The following MORN1 variants were observed in gnomAD, a reference collection of about 807,000 sequenced individuals.
MORN1 encodes the protein MORN repeat-containing protein 1.
MORN1 carries 67 observed loss-of-function variants against 61.9 expected under a neutral mutation model. The observed-to-expected ratio is 1.08, with a 90% CI of 0.89 to 1.33. The LOEUF (loss-of-function observed/expected upper bound fraction) is 1.33. MORN1 is among the 40% of genes most tolerant of loss of function. The pLI is 0.00. For synonymous variants in MORN1, 301 were observed against 292.0 expected (o/e 1.03, Z -0.31); for missense variants, 752 against 691.2 (o/e 1.09, Z -0.99).
chr1:2,381,654 C>T lies in MORN1; in HGVS notation c.537+3324G>A, dbSNP rs1280181321. Among the ~76,000 whole-genome samples, 3 of 152,260 alleles carry T rather than the reference C, an allele frequency of 2.0e-5. No individual in the cohort carries two copies. In the South Asian group the frequency reaches 6.2e-4, roughly 32 times the overall value. The stretch of plus-strand genomic sequence containing the variant: ...ACGCGAAGGGTTTGGCACCAAGACT[C>T]TCGCAGAAATCCTCTGCAAAACCCT... On this transcript the variant is annotated intron_variant, in intron 6 of 13. Coordinates refer to ENST00000378531, the MANE Select transcript of MORN1 (RefSeq NM_024848.3).
intron 12 of MORN1, among the ~76,000 whole-genome samples, chr1:2,327,168 A>G (rs1468165625): frequency 2.1e-5 from 3 of 141,238 alleles, no homozygotes; most frequent in Admixed American, 2.1e-4. Flanking sequence ...ACACACAGAC[A>G]GAAACAAACA....
intron 7 of MORN1, among the ~76,000 whole-genome samples, chr1:2,373,185 A>T (rs764519959): frequency 6.6e-6 from 1 of 152,234 alleles, no homozygotes; most frequent in Non-Finnish European, 1.5e-5. Context: ...GCCTCCAGCA[A>T]AGCACAATGG....
intron 6 of MORN1, among the ~76,000 whole-genome samples, chr1:2,384,249 CT>C (rs1642436235): frequency 6.6e-6 from 1 of 152,230 alleles, no homozygotes; most frequent in Non-Finnish European, 1.5e-5. Context: ...CCAACCTTGA[CT>C]CTTCTCTTGC....
chr1:2,390,625 G>A lies in MORN1; in HGVS notation c.77-629C>T, dbSNP rs1309387344. The A allele has an allele frequency of 1.0e-5, 10 of 985,292 alleles. No homozygotes were observed. In the South Asian group the frequency reaches 1.4e-4, roughly 14 times the overall value. The allele number at this position is 985,292 out of a possible 1,614,324, so 61.0% of individuals were successfully genotyped here. A position where few individuals can be genotyped will look rare whatever the true frequency, so the allele number is the denominator to read the frequency against. On this transcript the variant is annotated intron_variant, in intron 1 of 13. Transcript: ENST00000378531. ...AAAATGTCGGGGAGGAGGGCAGGGGGTTACTACAGGCTACTGTATCTGTCC... is the reference window on the plus strand; with the variant it reads ...AAAATGTCGGGGAGGAGGGCAGGGGATTACTACAGGCTACTGTATCTGTCC...
At chr1:2,332,643 G>C (rs1331466541) in intron 12 of MORN1, 1 of 456,568 alleles carries the variant, frequency 2.2e-6, no homozygotes, top group Non-Finnish European at 4.4e-6. Context: ...GACATGGAAG[G>C]GGTCACACTC....
intron 8 of MORN1, among the ~76,000 whole-genome samples, chr1:2,359,312 G>C (rs1441918051): frequency 2.6e-5 from 4 of 152,236 alleles, no homozygotes; most frequent in East Asian, 3.9e-4. Flanking sequence ...TGCCCACCAA[G>C]TGTCTGCTGA....
Position 2,357,666 on chromosome 1 carries a change from T to TTTTTTAATGATAC in MORN1, c.870-69_870-68insGTATCATTAAAAA. On this transcript the variant is annotated intron_variant, in intron 9 of 13. Coordinates refer to ENST00000378531, the MANE Select transcript of MORN1 (RefSeq NM_024848.3). This position sits in a 1 kb window ranked among gnomAD's most constrained non-coding sequence, Gnocchi z 6.3. ...CAAACTAGGGTGCAGGCAGACAGCG[T>TTTTTTAATGATAC]GGCCCACGCCCTGGACCCTGGGACT... The TTTTTTAATGATAC allele has an allele frequency of 2.0e-6, 3 of 1,513,476 alleles. No individual in the cohort carries two copies. Among genetic ancestry groups the TTTTTTAATGATAC allele is most frequent in the Admixed American group, 2.1e-5 (1 of 48,618 alleles). The allele number at this position is 1,513,476 out of a possible 1,614,324, so 93.8% of individuals were successfully genotyped here.
At chr1:2,370,347 T>C (rs1044783057) in intron 8 of MORN1, among the ~76,000 whole-genome samples, 5 of 152,222 alleles carry the variant, frequency 3.3e-5, no homozygotes, top group Admixed American at 6.5e-5. Context: ...TAACTCACAC[T>C]GGATCCCAGG....
intron 12 of MORN1, among the ~76,000 whole-genome samples, chr1:2,335,902 T>C (rs1454757406): frequency 6.8e-6 from 1 of 148,102 alleles, no homozygotes; most frequent in African/African-American, 2.7e-5. Context: ...CAGCTGTTGC[T>C]GGACTCCGAG....
chr1:2,370,689 T>TA (rs1491030502), intron 8 of MORN1, among the ~76,000 whole-genome samples: 50 of 118,216 alleles, frequency 4.2e-4, no homozygotes, highest in African/African-American at 1.5e-3. Context: ...TTTTTTTTTT[T>TA]AAATGAGACA....
At chr1:2,323,507 G>T (rs934245857) in intron 13 of MORN1, 2 of 985,396 alleles carry the variant, frequency 2.0e-6, no homozygotes, top group Non-Finnish European at 2.4e-6. Context: ...CCTTTGTGTA[G>T]CTGAGGTGCC....
intron 10 of MORN1, among the ~76,000 whole-genome samples, chr1:2,343,748 A>G (rs544841347): frequency 6.6e-6 from 1 of 152,314 alleles, no homozygotes; most frequent in Admixed American, 6.5e-5. Context: ...GCACAGCCGC[A>G]GAGGCCAGCT....
intron 10 of MORN1, among the ~76,000 whole-genome samples, chr1:2,342,877 T>TTTTATTTTATTTTATTTTA (rs1557873796): frequency 8.6e-4 from 77 of 89,218 alleles, no homozygotes; most frequent in African/African-American, 2.8e-3. Flanking sequence ...ATTTATTTTA[T>TTTTATTTTATTTTATTTTA]TTTATTTTAT....
At chr1:2,380,434 G>A (rs1022767392) in intron 6 of MORN1, among the ~76,000 whole-genome samples, 1 of 152,232 alleles carries the variant, frequency 6.6e-6, no homozygotes, top group African/African-American at 2.4e-5. Flanking sequence ...CCCAGGAATT[G>A]GAGATTAGCC....
intron 10 of MORN1, among the ~76,000 whole-genome samples, chr1:2,338,518 G>A (rs1276474607): frequency 1.3e-5 from 2 of 152,122 alleles, no homozygotes; most frequent in East Asian, 3.9e-4. Flanking sequence ...TCCTAATCAT[G>A]CGGACACCCT....
In MORN1 at chr1:2,357,457, C is replaced by G; in HGVS notation, c.1011G>C (p.Gln337His). The stretch of plus-strand genomic sequence containing the variant: ...CAAGCAGGCCACCAGGGGTGTCCTC[C>G]TGGCCATGGAGGGCACCCAAATGCA... Reference protein sequence around the residue: ...LELHLGALHGQEDTPGGLLAR... With the variant: ...LELHLGALHGHEDTPGGLLAR... Residue 337 changes from glutamine to histidine, a missense_variant, in exon 10 of 14, where the codon CAG becomes CAC. Transcript: ENST00000378531. The surrounding 1 kb of genome is among the most constrained non-coding windows in gnomAD (Gnocchi z 6.3). 1 of 1,610,946 alleles carries G rather than the reference C, an allele frequency of 6.2e-7. No individual in the cohort carries two copies. The highest frequency in any genetic ancestry group is 8.5e-7 in the Non-Finnish European group (1 of 1,178,678).
intron 10 of MORN1, among the ~76,000 whole-genome samples, chr1:2,354,683 G>A (rs1363232707): frequency 6.6e-6 from 1 of 152,208 alleles, no homozygotes; most frequent in Non-Finnish European, 1.5e-5. Flanking sequence ...ACAGGCCTGG[G>A]TGGAGGCCAG....
intron 4 of MORN1, 77 bp from the exon 5 acceptor site, chr1:2,385,974 T>C: frequency 7.6e-7 from 1 of 1,321,028 alleles, no homozygotes; most frequent in Non-Finnish European, 1.1e-6. Flanking sequence ...CTCCGCTCCT[T>C]GGAGGGCGGG....
In MORN1 at chr1:2,388,466, C is replaced by T. The variant is rs138183484; in HGVS notation, c.149-129G>A. The T allele has an allele frequency of 1.0e-3, 696 of 663,444 alleles. 8 individuals carry two copies. In the East Asian group the frequency reaches 0.018, roughly 17 times the overall value. The allele number at this position is 663,444 out of a possible 1,614,324, so 41.1% of individuals were successfully genotyped here. On this transcript the variant is annotated intron_variant, in intron 2 of 13. Transcript: ENST00000378531. ...AAAACTTGTGTTTGGCTCCATCACT[C>T]ATGCTATACATGTATTTAAAAATAA...
Sources: allele counts gnomAD v4.1 joint callset (sites outside exome capture counted in the v4.1 genomes callset), GRCh38; gene constraint gnomAD v4.1.1; non-coding constraint Gnocchi (gnomAD v3.1); transcripts MANE v1.5; gene names NCBI Gene and HGNC (gene_info 2026-07-23, HGNC 2026-07-21).